Variants in LRBA observed in about 807,000 individuals in gnomAD.
LRBA encodes lipopolysaccharide-responsive and beige-like anchor protein.
Under a neutral mutation model 330.0 loss-of-function variants are expected in LRBA, and 176 were observed. The observed-to-expected ratio is 0.53, with a 90% CI of 0.47 to 0.60. The LOEUF is 0.60. LRBA is among the 20% of genes least tolerant of loss of function. The probability of loss-of-function intolerance (pLI) is 0.00; values close to 1 mark genes in which losing one functional copy is unlikely to be tolerated. For missense variants in LRBA, 3,259 were observed against 3,444.8 expected, an observed-to-expected ratio of 0.95 and a Z score of 1.35; for synonymous variants, 1,230 against 1,193.0, an observed-to-expected ratio of 1.03 and a Z score of -0.64.
At chr4:150,810,048 T>C (rs1026545998) in intron 31 of LRBA, among the ~76,000 whole-genome samples, 2 of 152,176 alleles carry the variant, frequency 1.3e-5, no homozygotes, top group African/African-American at 4.8e-5. Flanking sequence ...ATTCTGGATA[T>C]AGATAAGCAT....
chr4:150,614,887 T>C (rs1366442677), intron 37 of LRBA, among the ~76,000 whole-genome samples: 1 of 152,174 alleles, frequency 6.6e-6, no homozygotes, highest in East Asian at 1.9e-4. Flanking sequence ...GGCATGAAAC[T>C]ATGGTTATCA....
At position 150,583,050 on chromosome 4, in the gene LRBA, G is replaced by T. The variant is rs751766566; in HGVS notation, c.6330+4998C>A. 2.5e-6 allele frequency: 4 copies of T among 1,605,992 alleles called. No homozygotes were observed. The highest frequency in any genetic ancestry group is 1.3e-5 in the African/African-American group (1 of 74,808). On this transcript the variant is annotated intron_variant, in intron 40 of 56. Transcript: ENST00000651943. The surrounding 1 kb of genome is among the most constrained non-coding windows in gnomAD (Gnocchi z 9.8). ...CCAACATGATCGCCGCTCAGGCCAAGCTGGTTTACCAGCTCAATAAGTACT... is the reference window on the plus strand; with the variant it reads ...CCAACATGATCGCCGCTCAGGCCAATCTGGTTTACCAGCTCAATAAGTACT...
chr4:150,709,151 G>A (rs550102558), intron 36 of LRBA, among the ~76,000 whole-genome samples: 14 of 151,334 alleles, frequency 9.3e-5, no homozygotes, highest in Non-Finnish European at 1.5e-5. Context: ...GAGGTTCAAT[G>A]AATTTTATCC....
chr4:150,960,871 A>C lies in LRBA; in HGVS notation c.217-31806T>G, dbSNP rs191833506. Among the ~76,000 whole-genome samples, 71 of 149,612 alleles carry C rather than the reference A, an allele frequency of 4.7e-4. 9 individuals carry two copies. Among genetic ancestry groups the C allele is most frequent in the African/African-American group, 1.7e-3 (68 of 38,980 alleles). ...GTAGTTTCAGTTTTTGTAAACTTGTAACTCACAGCCTGTATTAAATACATA... is the reference window on the plus strand; with the variant it reads ...GTAGTTTCAGTTTTTGTAAACTTGTCACTCACAGCCTGTATTAAATACATA... On this transcript the variant is annotated intron_variant, in intron 2 of 56. Coordinates refer to ENST00000651943, the MANE Select transcript of LRBA (RefSeq NM_001364905.1).
chr4:150,694,554 A>T (rs1170257480), intron 36 of LRBA, among the ~76,000 whole-genome samples: 1 of 151,406 alleles, frequency 6.6e-6, no homozygotes, highest in Middle Eastern at 3.2e-3. Context: ...AGCAAACAAA[A>T]GTCAACCAAT....
chr4:150,735,594 G>T (rs546992244), intron 35 of LRBA, among the ~76,000 whole-genome samples: 22 of 152,232 alleles, frequency 1.4e-4, no homozygotes, highest in African/African-American at 3.4e-4. Context: ...TGTAACAAAA[G>T]CAACTAAAAA....
chr4:150,305,169 C>A (rs768718318), intron 52 of LRBA, among the ~76,000 whole-genome samples: 5 of 152,120 alleles, frequency 3.3e-5, no homozygotes, highest in Non-Finnish European at 5.9e-5. Flanking sequence ...CAGTAGGAGG[C>A]TTGCAAAGAA....
intron 36 of LRBA, among the ~76,000 whole-genome samples, chr4:150,684,896 C>CTGGT (rs1783396607): frequency 1.3e-5 from 2 of 152,138 alleles, no homozygotes; most frequent in African/African-American, 4.8e-5. Flanking sequence ...ACTACTCCCA[C>CTGGT]CACCACCCCA....
intron 2 of LRBA, among the ~76,000 whole-genome samples, chr4:150,988,585 A>T (rs1222294491): frequency 2.0e-5 from 3 of 147,780 alleles, no homozygotes; most frequent in East Asian, 2.0e-4. Flanking sequence ...AGAATATCAA[A>T]TTTTTTTTTT....
Position 150,391,645 on chromosome 4 carries a change from G to C in LRBA, c.7194+23793C>G, listed in dbSNP as rs545633811. 3.3e-5 allele frequency among the ~76,000 whole-genome samples: 5 copies of C among 152,114 alleles called. No individual in the cohort carries two copies. In the East Asian group the frequency reaches 7.7e-4, roughly 23 times the overall value. The stretch of plus-strand genomic sequence containing the variant: ...TAAGTAAATTGTGTGTGTGTGTGTA[G>C]TTCCCAACTTCACTGAATTTTCTGT... On this transcript the variant is annotated intron_variant, in intron 47 of 56. Transcript: ENST00000651943.
intron 35 of LRBA, among the ~76,000 whole-genome samples, chr4:150,750,224 T>C (rs1440878299): frequency 6.6e-6 from 1 of 152,194 alleles, no homozygotes; most frequent in Non-Finnish European, 1.5e-5. Flanking sequence ...GATTACTTGT[T>C]TATTATTTGT....
At chr4:150,636,548 T>G (rs1777931324) in intron 37 of LRBA, among the ~76,000 whole-genome samples, 1 of 152,130 alleles carries the variant, frequency 6.6e-6, no homozygotes. Context: ...AGAGCCCTGG[T>G]TTCAATGGAG....
chr4:150,308,997 C>T (rs1730720623), intron 52 of LRBA, among the ~76,000 whole-genome samples: 1 of 152,116 alleles, frequency 6.6e-6, no homozygotes. Flanking sequence ...ATATCCTAGG[C>T]CTTCACATTC....
intron 35 of LRBA, among the ~76,000 whole-genome samples, chr4:150,756,001 G>T (rs187817254): frequency 5.6e-4 from 85 of 150,738 alleles, no homozygotes; most frequent in African/African-American, 2.0e-3. Flanking sequence ...AGATGAGATG[G>T]TGCCCCTGCA....
chr4:150,312,614 T>A (rs1731208958), intron 51 of LRBA, among the ~76,000 whole-genome samples: 2 of 152,292 alleles, frequency 1.3e-5, no homozygotes, highest in East Asian at 3.9e-4. Context: ...CAAATCATTC[T>A]GCAAGTCAGG....
chr4:150,901,367 G>A (rs549577555), intron 13 of LRBA, among the ~76,000 whole-genome samples: 1 of 152,006 alleles, frequency 6.6e-6, no homozygotes. Context: ...ACTTAAAGCA[G>A]CAAAAATAAC....
At chr4:150,510,191 AT>A (rs1429139400) in intron 40 of LRBA, among the ~76,000 whole-genome samples, 7 of 152,164 alleles carry the variant, frequency 4.6e-5, no homozygotes, top group Non-Finnish European at 7.4e-5. Context: ...GAAGAAATAG[AT>A]TGCATAAATA....
In LRBA at chr4:150,724,313, C is replaced by T. The variant is rs78758698; in HGVS notation, c.5754+10945G>A. On this transcript the variant is annotated intron_variant, in intron 36 of 56. Transcript: ENST00000651943. ...TGGGAGAAAGGGAAAAGAACAAGAG[C>T]CTCTGGCTGGTAATCCAGATAATTC... Among the ~76,000 whole-genome samples the T allele has an allele frequency of 2.2e-3, 329 of 152,260 alleles. 1 individual carries two copies. The highest frequency in any genetic ancestry group is 7.4e-3 in the African/African-American group (306 of 41,558).
At chr4:150,485,270 T>C (rs6817796) in intron 42 of LRBA, among the ~76,000 whole-genome samples, 22,683 of 151,922 alleles carry the variant, frequency 0.15, 1,711 homozygotes, top group Middle Eastern at 0.18. Flanking sequence ...CTTATGAATT[T>C]TGAAGCTCTA....
Sources: allele counts gnomAD v4.1 joint callset (sites outside exome capture counted in the v4.1 genomes callset), GRCh38; gene constraint gnomAD v4.1.1; non-coding constraint Gnocchi (gnomAD v3.1); transcripts MANE v1.5; gene names NCBI Gene and HGNC (gene_info 2026-07-23, HGNC 2026-07-21).